RGS6: variants seen among roughly 807,000 people sequenced by gnomAD.
RGS6 encodes regulator of G-protein signaling 6.
A neutral mutation model predicts 78.5 loss-of-function variants in RGS6; 30 were observed. The observed-to-expected ratio is 0.38, with a 90% confidence interval of 0.29 to 0.52. The LOEUF (loss-of-function observed/expected upper bound fraction) is 0.52. Ranked by LOEUF, RGS6 falls within the 20% of genes least tolerant of loss-of-function variation. The pLI is 0.85. For synonymous variants in RGS6, 206 were observed against 206.0 expected, an observed-to-expected ratio of 1.00 and a Z score of 0.00; for missense variants, 495 against 609.7, an observed-to-expected ratio of 0.81 and a Z score of 1.98.
rs571387192 is a variant in RGS6 at position 71,959,098 on chromosome 14, CTCTG to C, written c.-20-5667_-20-5664del. On this transcript the variant is annotated intron_variant, in intron 1 of 17. Transcript: ENST00000553525. ...CTTGGTGCATTACCTGAAACGGACACTCTGTCTGTCATTGAACATTTGAACTTCG... is the reference window on the plus strand; with the variant it reads ...CTTGGTGCATTACCTGAAACGGACACTCTGTCATTGAACATTTGAACTTCG... Among the ~76,000 whole-genome samples, 43 of 152,270 alleles carry C rather than the reference CTCTG, an allele frequency of 2.8e-4. 1 individual carries two copies. The East Asian group carries it at 3.5e-3, about 12-fold the overall frequency.
chr14:72,162,687 C>G (rs930735366), intron 2 of RGS6, among the ~76,000 whole-genome samples: 1 of 151,998 alleles, frequency 6.6e-6, no homozygotes, highest in South Asian at 2.1e-4. Context: ...GAAAAAGATA[C>G]TTGTATATGC....
At chr14:72,119,232 G>A (rs1167937184) in intron 2 of RGS6, among the ~76,000 whole-genome samples, 2 of 152,196 alleles carry the variant, frequency 1.3e-5, no homozygotes, top group African/African-American at 2.4e-5. Flanking sequence ...TGACTAGATA[G>A]GAGTCGGGTA....
chr14:72,494,597 A>G lies in RGS6; in HGVS notation c.855-555A>G, dbSNP rs147450491. ...AAATTAGTCTAAAATAAATTATATC[A>G]ATCTATAAGATCAACATATCTATTA... On this transcript the variant is annotated intron_variant, in intron 12 of 17. Transcript: ENST00000553525. 9.5e-4 allele frequency among the ~76,000 whole-genome samples: 144 copies of G among 152,336 alleles called. 1 individual carries two copies. Among genetic ancestry groups the G allele is most frequent in the African/African-American group, 3.4e-3 (143 of 41,590 alleles).
intron 3 of RGS6, among the ~76,000 whole-genome samples, chr14:72,414,413 C>T (rs112658409): frequency 1.3e-5 from 2 of 152,226 alleles, no homozygotes; most frequent in Admixed American, 6.5e-5. Context: ...TTTTCAGCTC[C>T]ATCAGGTCCT....
At chr14:72,329,243 C>T (rs1274015332) in intron 2 of RGS6, among the ~76,000 whole-genome samples, 1 of 152,250 alleles carries the variant, frequency 6.6e-6, no homozygotes, top group Non-Finnish European at 1.5e-5. Context: ...CATTTACATG[C>T]ACACACATAC....
chr14:72,159,748 A>C (rs545652348), intron 2 of RGS6, among the ~76,000 whole-genome samples: 3 of 152,240 alleles, frequency 2.0e-5, no homozygotes, highest in Non-Finnish European at 4.4e-5. Flanking sequence ...ACTGAATAGA[A>C]GTTTCTCCCT....
At chr14:72,228,960 C>T (rs2048848895) in intron 2 of RGS6, among the ~76,000 whole-genome samples, 1 of 152,148 alleles carries the variant, frequency 6.6e-6, no homozygotes, top group South Asian at 2.1e-4. Flanking sequence ...GAGGCTGAGG[C>T]AGAAGAATCG....
At chr14:72,328,835 A>G (rs1201738496) in intron 2 of RGS6, among the ~76,000 whole-genome samples, 1 of 152,204 alleles carries the variant, frequency 6.6e-6, no homozygotes, top group Admixed American at 6.5e-5. Flanking sequence ...TGAAATATAT[A>G]CAATACTCAC....
At chr14:71,905,588 T>C in the RGS6 span, among the ~76,000 whole-genome samples, 2 of 152,080 alleles carry the variant, frequency 1.3e-5, no homozygotes, top group Non-Finnish European at 2.9e-5. Flanking sequence ...CCTCCTGGGT[T>C]CAAGCAATTC....
the RGS6 span, among the ~76,000 whole-genome samples, chr14:72,587,351 G>C: frequency 6.6e-6 from 1 of 152,078 alleles, no homozygotes; most frequent in Non-Finnish European, 1.5e-5. Context: ...GATCAGAACT[G>C]GTAACTGAGG....
At chr14:72,235,438 A>G (rs745991129) in intron 2 of RGS6, among the ~76,000 whole-genome samples, 1 of 152,266 alleles carries the variant, frequency 6.6e-6, no homozygotes. Context: ...TTTCTCTGGC[A>G]TAATTGAAAT....
intron 2 of RGS6, among the ~76,000 whole-genome samples, chr14:72,248,594 A>G (rs1161510394): frequency 6.6e-6 from 1 of 152,220 alleles, no homozygotes; most frequent in Non-Finnish European, 1.5e-5. Context: ...CAAAGCAGAG[A>G]TTTTTAGAAA....
chr14:72,238,638 C>T (rs568422165), intron 2 of RGS6, among the ~76,000 whole-genome samples: 1 of 152,116 alleles, frequency 6.6e-6, no homozygotes, highest in South Asian at 2.1e-4. Context: ...GGAGGGGCAG[C>T]AGGGAGGGCC....
chr14:72,323,469 G>T (rs2072696643), intron 2 of RGS6, among the ~76,000 whole-genome samples: 1 of 151,478 alleles, frequency 6.6e-6, no homozygotes, highest in African/African-American at 2.4e-5. Flanking sequence ...TACAGGGGTA[G>T]ATTCTAAAGT....
intron 3 of RGS6, among the ~76,000 whole-genome samples, chr14:72,417,679 G>C (rs1290033999): frequency 6.6e-6 from 1 of 152,206 alleles, no homozygotes; most frequent in East Asian, 1.9e-4. Context: ...CTGCACTTCT[G>C]TTTCCTCACC....
At chr14:72,172,585 C>G (rs900994786) in intron 2 of RGS6, among the ~76,000 whole-genome samples, 1 of 152,110 alleles carries the variant, frequency 6.6e-6, no homozygotes, top group Non-Finnish European at 1.5e-5. Flanking sequence ...TAATATTTTG[C>G]AACTGCCACT....
intron 2 of RGS6, among the ~76,000 whole-genome samples, chr14:72,286,898 C>T (rs1016290212): frequency 3.3e-5 from 5 of 152,132 alleles, no homozygotes; most frequent in Non-Finnish European, 7.3e-5. Flanking sequence ...ATTCTTCTGC[C>T]TCAGCCTCCC....
the RGS6 span, among the ~76,000 whole-genome samples, chr14:72,617,958 G>T: frequency 2.0e-5 from 3 of 151,964 alleles, no homozygotes; most frequent in Non-Finnish European, 4.4e-5. Context: ...TGCTGCTGCT[G>T]CGATTCAAAG....
At chr14:72,491,293 A>T (rs2096574816) in intron 12 of RGS6, among the ~76,000 whole-genome samples, 1 of 152,094 alleles carries the variant, frequency 6.6e-6, no homozygotes, top group Non-Finnish European at 1.5e-5. Flanking sequence ...ATGAAAAAAA[A>T]AAATCTGTGT....
Sources: allele counts gnomAD v4.1 joint callset (sites outside exome capture counted in the v4.1 genomes callset), GRCh38; gene constraint gnomAD v4.1.1; transcripts MANE v1.5; gene names NCBI Gene and HGNC (gene_info 2026-07-23, HGNC 2026-07-21).